GRIN3A: variants seen among roughly 807,000 people sequenced by gnomAD.
GRIN3A encodes glutamate receptor ionotropic, NMDA 3A.
In GRIN3A, 47 loss-of-function variants were observed where a neutral mutation model predicts 92.4. The ratio of observed to expected loss-of-function variants is 0.51; its 90% confidence interval spans 0.40 to 0.65. The LOEUF (loss-of-function observed/expected upper bound fraction) is 0.65. Among genes scored for constraint, GRIN3A ranks in the 30% least tolerant of loss-of-function variants. The probability of loss-of-function intolerance (pLI) is 0.00; values close to 1 mark genes in which losing one functional copy is unlikely to be tolerated. For synonymous variants in GRIN3A, 527 were observed against 540.6 expected (o/e 0.97, Z 0.35); for missense variants, 1,324 against 1,393.1 (o/e 0.95, Z 0.79).
At chr9:101,609,873 C>CT (rs1234164276) in intron 6 of GRIN3A, among the ~76,000 whole-genome samples, 1 of 152,108 alleles carries the variant, frequency 6.6e-6, no homozygotes, top group African/African-American at 2.4e-5. Flanking sequence ...AATTAAAAAT[C>CT]TTTTTTGTAA....
At chr9:101,717,117 T>C (rs1341472682) in intron 1 of GRIN3A, among the ~76,000 whole-genome samples, 2 of 152,228 alleles carry the variant, frequency 1.3e-5, no homozygotes. Context: ...ACTGTGCATA[T>C]ATGAATAATC....
intron 1 of GRIN3A, among the ~76,000 whole-genome samples, chr9:101,735,268 C>T (rs1198159857): frequency 6.6e-6 from 1 of 151,908 alleles, no homozygotes; most frequent in Non-Finnish European, 1.5e-5. Flanking sequence ...CTCTCCCTTT[C>T]AAGATGTGTG....
chr9:101,666,116 C>G (rs373310227), intron 3 of GRIN3A, among the ~76,000 whole-genome samples: 2 of 151,820 alleles, frequency 1.3e-5, no homozygotes, highest in African/African-American at 4.8e-5. Context: ...TCCTATACAC[C>G]AACATCCTGG....
chr9:101,633,822 C>G (rs1157216018), intron 3 of GRIN3A, among the ~76,000 whole-genome samples: 1 of 152,050 alleles, frequency 6.6e-6, no homozygotes, highest in East Asian at 1.9e-4. Flanking sequence ...TGCTTTATAG[C>G]AAGGTTAAAT....
At chr9:101,701,594 A>G (rs577623516) in intron 1 of GRIN3A, among the ~76,000 whole-genome samples, 15 of 152,284 alleles carry the variant, frequency 9.9e-5, no homozygotes, top group South Asian at 2.1e-4. Context: ...CAAACAAACA[A>G]ACAGACAAAA....
intron 3 of GRIN3A, among the ~76,000 whole-genome samples, chr9:101,647,574 ATTAG>A (rs1371173825): frequency 6.6e-6 from 1 of 151,876 alleles, no homozygotes; most frequent in Non-Finnish European, 1.5e-5. Flanking sequence ...TAGAATTGGT[ATTAG>A]TTCTTTTAAA....
intron 1 of GRIN3A, among the ~76,000 whole-genome samples, chr9:101,720,145 G>T (rs1450069874): frequency 2.0e-5 from 3 of 152,224 alleles, no homozygotes; most frequent in Non-Finnish European, 4.4e-5. Context: ...GCAGGAGGAT[G>T]AAACAAGGGT....
intron 6 of GRIN3A, among the ~76,000 whole-genome samples, chr9:101,586,035 C>T (rs73505286): frequency 0.01 from 1,538 of 152,168 alleles, 27 homozygotes; most frequent in African/African-American, 0.035. Context: ...ATTTTCTGTT[C>T]GTGCCTGTAA....
chr9:101,705,357 G>C (rs183296495), intron 1 of GRIN3A, among the ~76,000 whole-genome samples: 1 of 152,278 alleles, frequency 6.6e-6, no homozygotes, highest in Admixed American at 6.5e-5. Flanking sequence ...CGACCGCCAA[G>C]AAGAACGGCG....
At chr9:101,608,746 G>C (rs1366922525) in intron 6 of GRIN3A, among the ~76,000 whole-genome samples, 1 of 152,088 alleles carries the variant, frequency 6.6e-6, no homozygotes, top group African/African-American at 2.4e-5. Flanking sequence ...ATATGTCCTG[G>C]TATCACAGCT....
chr9:101,683,316 C>G (rs1248831510), intron 2 of GRIN3A, among the ~76,000 whole-genome samples: 1 of 152,200 alleles, frequency 6.6e-6, no homozygotes, highest in Non-Finnish European at 1.5e-5. Flanking sequence ...CTGACATCCA[C>G]TATTCATGGC....
At chr9:101,644,460 C>CAAAA (rs35576054) in intron 3 of GRIN3A, among the ~76,000 whole-genome samples, 55 of 95,094 alleles carry the variant, frequency 5.8e-4, no homozygotes, top group East Asian at 4.2e-3. Flanking sequence ...ATTAGTCACT[C>CAAAA]AAAAAAAAAA....
intron 1 of GRIN3A, among the ~76,000 whole-genome samples, chr9:101,719,342 C>G (rs1829982615): frequency 6.6e-6 from 1 of 151,496 alleles, no homozygotes; most frequent in Non-Finnish European, 1.5e-5. Context: ...TCGTTTGAAC[C>G]TGGGAGGCAG....
intron 1 of GRIN3A, among the ~76,000 whole-genome samples, chr9:101,715,212 A>AAG (rs1554724030): frequency 2.0e-5 from 3 of 151,574 alleles, no homozygotes. Flanking sequence ...AAAAAAAAAA[A>AAG]AAAAAAAGAA....
chr9:101,621,632 A>G (rs957566040), intron 5 of GRIN3A, among the ~76,000 whole-genome samples: 1 of 152,202 alleles, frequency 6.6e-6, no homozygotes, highest in African/African-American at 2.4e-5. Context: ...ACTGCAAGAC[A>G]CTAAGTCTCA....
chr9:101,617,251 G>A (rs1828473503), intron 5 of GRIN3A, among the ~76,000 whole-genome samples: 2 of 149,918 alleles, frequency 1.3e-5, no homozygotes, highest in African/African-American at 5.0e-5. Context: ...ACAAGAGATT[G>A]GTACCAGAGG....
intron 8 of GRIN3A, 90 bp from the exon 9 acceptor site, chr9:101,573,603 A>G (rs1406781095): frequency 6.8e-6 from 7 of 1,024,894 alleles, no homozygotes; most frequent in Non-Finnish European, 1.1e-5. Flanking sequence ...GTGCAATAAT[A>G]TGGAGCTGGG....
At position 101,686,751 on chromosome 9, in the gene GRIN3A, A is replaced by G. The variant is rs1263556705; in HGVS notation, c.1149T>C (p.Ser383=). 1 of 1,614,188 alleles carries G rather than the reference A, an allele frequency of 6.2e-7. No homozygotes were observed. The highest frequency in any genetic ancestry group is 8.5e-7 in the Non-Finnish European group (1 of 1,180,028). ...CATCTTGTACGTAGTGCTCAAAGAC[A>G]GACTGTGTTGTTTTTCCATGAGCAA... ...GLIAHGKTTQ[S]VFEHYVQDAM... is the part of the protein sequence containing the mutation. Residue 383 remains serine (S), a synonymous_variant, in exon 2 of 9, where the codon TCT becomes TCC. Transcript: ENST00000361820.
At chr9:101,629,244 T>G (rs1423640540) in intron 3 of GRIN3A, among the ~76,000 whole-genome samples, 1 of 152,120 alleles carries the variant, frequency 6.6e-6, no homozygotes, top group Non-Finnish European at 1.5e-5. Context: ...TACATTTATT[T>G]AAATGCCATG....
Sources: gnomAD v4.1 joint callset for allele counts (sites outside exome capture counted in the v4.1 genomes callset) on GRCh38, gnomAD v4.1.1 for gene constraint, MANE v1.5 for transcripts, NCBI Gene and HGNC (gene_info 2026-07-23, HGNC 2026-07-21) for gene names.